LAMA2: variants seen among roughly 807,000 people sequenced by gnomAD.
LAMA2 encodes the protein laminin subunit alpha-2.
In LAMA2, 269 loss-of-function variants were observed where a neutral mutation model predicts 364.8. The ratio of observed to expected loss-of-function variants is 0.74; its 90% CI spans 0.67 to 0.82. LAMA2 has a LOEUF of 0.82. Among genes scored for constraint, LAMA2 ranks in the 40% least tolerant of loss-of-function variants. LAMA2 has a pLI of 0.00. For missense variants in LAMA2, 3,807 were observed against 3,873.2 expected, an observed-to-expected ratio of 0.98 and a Z score of 0.45; for synonymous variants, 1,379 against 1,370.6, an observed-to-expected ratio of 1.01 and a Z score of -0.14.
chr6:129,140,035 G>A (rs1266817823), intron 4 of LAMA2, among the ~76,000 whole-genome samples: 1 of 152,074 alleles, frequency 6.6e-6, no homozygotes, highest in Non-Finnish European at 1.5e-5. Context: ...ATTCACTCAA[G>A]AAACTTGTAT....
chr6:129,415,139 C>T (rs1326166562), intron 40 of LAMA2, among the ~76,000 whole-genome samples: 1 of 152,170 alleles, frequency 6.6e-6, no homozygotes, highest in Non-Finnish European at 1.5e-5. Flanking sequence ...TTCCCTTTAG[C>T]TTCCTTTTTT....
chr6:129,238,576 T>TGA (rs1554254279), intron 12 of LAMA2, among the ~76,000 whole-genome samples: 46 of 64,864 alleles, frequency 7.1e-4, no homozygotes, highest in African/African-American at 1.0e-3. Context: ...TGTGTGTGTG[T>TGA]GAGAGAGAGA....
At chr6:129,105,253 G>GCATGT (rs1297754147) in intron 4 of LAMA2, among the ~76,000 whole-genome samples, 2 of 152,090 alleles carry the variant, frequency 1.3e-5, no homozygotes, top group African/African-American at 4.8e-5. Flanking sequence ...TACATAACAT[G>GCATGT]CATGTCCAGC....
At chr6:128,985,272 GT>G (rs1376663281) in intron 1 of LAMA2, among the ~76,000 whole-genome samples, 1 of 152,140 alleles carries the variant, frequency 6.6e-6, no homozygotes, top group African/African-American at 2.4e-5. Context: ...AAGGTTTACA[GT>G]GCTGTTACTA....
intron 4 of LAMA2, among the ~76,000 whole-genome samples, chr6:129,128,340 T>C (rs1777239782): frequency 6.6e-6 from 1 of 152,222 alleles, no homozygotes; most frequent in Non-Finnish European, 1.5e-5. Flanking sequence ...GCTATTATGC[T>C]GCATTGACCT....
intron 1 of LAMA2, among the ~76,000 whole-genome samples, chr6:128,973,780 C>A (rs971907826): frequency 6.6e-6 from 1 of 152,046 alleles, no homozygotes; most frequent in African/African-American, 2.4e-5. Flanking sequence ...GACAAGGGAC[C>A]ATTTAGCCAT....
intron 4 of LAMA2, among the ~76,000 whole-genome samples, chr6:129,102,130 CTTT>C (rs10713380): frequency 3.8e-5 from 5 of 130,344 alleles, no homozygotes; most frequent in Non-Finnish European, 6.4e-5. Context: ...TTCTTTCTTT[CTTT>C]TTTTTTTTTT....
chr6:129,068,983 C>T (rs1299692263), intron 3 of LAMA2, among the ~76,000 whole-genome samples: 2 of 151,924 alleles, frequency 1.3e-5, no homozygotes, highest in Non-Finnish European at 2.9e-5. Flanking sequence ...TGTTGATAAA[C>T]CAAATTCTAG....
chr6:129,450,266 G>A (rs1312733514), intron 45 of LAMA2, among the ~76,000 whole-genome samples: 1 of 151,608 alleles, frequency 6.6e-6, no homozygotes, highest in Non-Finnish European at 1.5e-5. Context: ...AATAATAACT[G>A]AGGGATATTA....
intron 20 of LAMA2, 98 bp downstream of exon 20, chr6:129,291,818 G>T: frequency 1.2e-6 from 1 of 825,092 alleles, no homozygotes; most frequent in Non-Finnish European, 2.1e-6. Context: ...TTAAAAGGAA[G>T]GTTTGGGATT....
At chr6:129,265,531 A>G (rs1371965669) in intron 15 of LAMA2, among the ~76,000 whole-genome samples, 1 of 152,136 alleles carries the variant, frequency 6.6e-6, no homozygotes, top group Non-Finnish European at 1.5e-5. Flanking sequence ...TTACAGAAGG[A>G]AATCACTTCT....
chr6:129,320,692 C>T (rs1443832737), intron 28 of LAMA2, 37 bp downstream of exon 28: 1 of 1,106,976 alleles, frequency 9.0e-7, no homozygotes, highest in South Asian at 1.2e-5. Context: ...AATCTCAAGT[C>T]ACTTCAGGAG....
intron 21 of LAMA2, among the ~76,000 whole-genome samples, chr6:129,298,670 T>C (rs376645295): frequency 1.5e-4 from 23 of 152,316 alleles, no homozygotes; most frequent in African/African-American, 5.1e-4. Flanking sequence ...GGTAAGATTT[T>C]AAAACATTGT....
chr6:129,039,892 C>T (rs1786965531), intron 1 of LAMA2, among the ~76,000 whole-genome samples: 1 of 152,178 alleles, frequency 6.6e-6, no homozygotes, highest in Admixed American at 6.5e-5. Flanking sequence ...CAGCCCTGTT[C>T]CTAACAGGCC....
intron 1 of LAMA2, among the ~76,000 whole-genome samples, chr6:128,945,223 A>T (rs983674346): frequency 1.3e-5 from 2 of 152,332 alleles, no homozygotes; most frequent in Admixed American, 6.5e-5. Flanking sequence ...ATTTTAGTAG[A>T]TTTAATTATG....
chr6:129,462,233 A>G (rs1367467639), intron 49 of LAMA2, among the ~76,000 whole-genome samples: 1 of 151,996 alleles, frequency 6.6e-6, no homozygotes. Flanking sequence ...GTTCATACAC[A>G]CTTCTTCCCA....
At chr6:129,452,854 T>C (rs1467065705) in intron 45 of LAMA2, 134 bp from the exon 46 acceptor site, 4 of 754,810 alleles carry the variant, frequency 5.3e-6, no homozygotes, top group Non-Finnish European at 9.1e-6. Context: ...TGCATATGGG[T>C]GTTTAATGAT....
intron 8 of LAMA2, among the ~76,000 whole-genome samples, chr6:129,164,844 TTATCTC>T (rs1408516847): frequency 1.3e-5 from 2 of 152,186 alleles, no homozygotes; most frequent in African/African-American, 2.4e-5. Context: ...GCTAAAGAAT[TTATCTC>T]TATGATGTTC....
intron 1 of LAMA2, among the ~76,000 whole-genome samples, chr6:128,995,654 T>C (rs1316744162): frequency 1.3e-5 from 2 of 152,108 alleles, no homozygotes; most frequent in Non-Finnish European, 2.9e-5. Flanking sequence ...TTTCTCCTTC[T>C]CTCTCTCCCC....
Sources: gnomAD v4.1 joint callset for allele counts (sites outside exome capture counted in the v4.1 genomes callset) on GRCh38, gnomAD v4.1.1 for gene constraint, MANE v1.5 for transcripts, NCBI Gene and HGNC (gene_info 2026-07-23, HGNC 2026-07-21) for gene names.